The following CALML4 variants were observed in gnomAD, a reference collection of about 807,000 sequenced individuals.
The protein encoded by CALML4 is calmodulin-like protein 4.
A neutral mutation model predicts 17.9 loss-of-function variants in CALML4; 16 were observed. That is an observed-to-expected ratio of 0.89 (90% CI 0.61 to 1.36). CALML4 has a LOEUF of 1.36. Ranked by LOEUF, CALML4 falls within the 40% of genes most tolerant of loss-of-function variation. The probability of loss-of-function intolerance (pLI) is 0.00; values close to 1 mark genes in which losing one functional copy is unlikely to be tolerated. For missense variants in CALML4, 203 were observed against 194.8 expected (o/e 1.04, Z -0.25); for synonymous variants, 86 against 71.5 (o/e 1.20, Z -1.02).
chr15:68,192,406 G>T lies in CALML4; in HGVS notation c.*1609C>A, dbSNP rs1034819428. Reference sequence around the variant, plus strand: ...TGTATTCTTAAGGCAGCCAAATCTCGTAAACCTCAGACCCCACAAAACATC... The same window carrying T: ...TGTATTCTTAAGGCAGCCAAATCTCTTAAACCTCAGACCCCACAAAACATC... On this transcript the variant is annotated 3_prime_UTR_variant, in exon 5 of 5. Coordinates refer to ENST00000467889, the MANE Select transcript of CALML4 (RefSeq NM_033429.3). 6.6e-6 allele frequency: 1 copy of T among 152,166 alleles called. No homozygotes were observed. The highest frequency in any genetic ancestry group is 6.6e-5 in the Admixed American group (1 of 15,262). The allele number at this position is 152,166 out of a possible 1,614,324, so 9.4% of individuals were successfully genotyped here. A position where few individuals can be genotyped will look rare whatever the true frequency, so the allele number is the denominator to read the frequency against.
Position 68,197,686 on chromosome 15 carries a change from A to C in CALML4, c.176-58T>G. ...GAGGGAAAAAGACTCCTAGGAAGCCAGCTGGCCTCCTGCTGGACCTGCACA... is the reference window on the plus strand; with the variant it reads ...GAGGGAAAAAGACTCCTAGGAAGCCCGCTGGCCTCCTGCTGGACCTGCACA... On this transcript the variant is annotated intron_variant, in intron 3 of 4. Coordinates refer to ENST00000467889, the MANE Select transcript of CALML4 (RefSeq NM_033429.3). This position sits in a 1 kb window ranked among gnomAD's most constrained non-coding sequence, Gnocchi z 4.1. The C allele has an allele frequency of 1.3e-6, 2 of 1,541,922 alleles. No homozygotes were observed. The highest frequency in any genetic ancestry group is 2.3e-5 in the East Asian group (1 of 44,338).
rs2093151485 is a variant in CALML4 at position 68,197,904 on chromosome 15, T to C, written c.176-276A>G. On this transcript the variant is annotated intron_variant, in intron 3 of 4. Coordinates refer to ENST00000467889, the MANE Select transcript of CALML4 (RefSeq NM_033429.3). The surrounding 1 kb of genome is among the most constrained non-coding windows in gnomAD (Gnocchi z 4.1). ...AAGAAAGTGGGTTCCCAACCACAGATGGAGGACTGGGCTCCTCTGCTCCCT... is the reference window on the plus strand; with the variant it reads ...AAGAAAGTGGGTTCCCAACCACAGACGGAGGACTGGGCTCCTCTGCTCCCT... 2.5e-6 allele frequency: 1 copy of C among 407,466 alleles called. No individual in the cohort carries two copies. Among genetic ancestry groups the C allele is most frequent in the Admixed American group, 3.8e-5 (1 of 26,436 alleles). 25.2% of individuals were successfully genotyped at this position (407,466 alleles called of 1,614,324 possible).
intron 4 of CALML4, among the ~76,000 whole-genome samples, chr15:68,196,780 T>TA (rs2141124265): frequency 6.6e-6 from 1 of 152,300 alleles, no homozygotes; most frequent in South Asian, 2.1e-4. Context: ...GACAGCCTGC[T>TA]AGGCTGCAGG....
rs572449154 is a variant in CALML4, at chr15:68,192,615, A to T, written c.*1400T>A. 6.6e-6 allele frequency: 1 copy of T among 152,318 alleles called. No homozygotes were observed. The highest frequency in any genetic ancestry group is 2.1e-4 in the South Asian group (1 of 4,832). The allele number at this position is 152,318 out of a possible 1,614,324, so 9.4% of individuals were successfully genotyped here. On this transcript the variant is annotated 3_prime_UTR_variant, in exon 5 of 5. Coordinates refer to ENST00000467889, the MANE Select transcript of CALML4 (RefSeq NM_033429.3). ...TTCCTCAGGGCCTTGTTTGGGTCTG[A>T]AGCCACACAGCATCGTTGAGACAGT...
intron 3 of CALML4, among the ~76,000 whole-genome samples, chr15:68,198,762 GT>G (rs869115281): frequency 7.0e-6 from 1 of 143,386 alleles, no homozygotes; most frequent in East Asian, 2.0e-4. Flanking sequence ...CTATTGCATA[GT>G]TTTTAGGTCA....
rs1567091012 is a variant in CALML4, at chr15:68,200,217, G to A, written c.35-536C>T. Among the ~76,000 whole-genome samples, 2 of 152,206 alleles carry A rather than the reference G, an allele frequency of 1.3e-5. No individual in the cohort carries two copies. Among genetic ancestry groups the A allele is most frequent in the African/African-American group, 2.4e-5 (1 of 41,442 alleles). ...ATTACTGTGAGAGCCAGAAATCCCA[G>A]GAGGCCTGCCAGAGAGTGGCCTTCA... is the stretch of plus-strand genomic sequence containing the variant. On this transcript the variant is annotated intron_variant, in intron 2 of 4. Coordinates refer to ENST00000467889, the MANE Select transcript of CALML4 (RefSeq NM_033429.3). The surrounding 1 kb of genome is among the most constrained non-coding windows in gnomAD (Gnocchi z 4.3).
Position 68,200,951 on chromosome 15 carries a change from C to T in CALML4, c.35-1270G>A, listed in dbSNP as rs1194926816. Among the ~76,000 whole-genome samples the T allele has an allele frequency of 6.6e-6, 1 of 152,084 alleles. No individual in the cohort carries two copies. The highest frequency in any genetic ancestry group is 6.5e-5 in the Admixed American group (1 of 15,274). On this transcript the variant is annotated intron_variant, in intron 2 of 4. Coordinates refer to ENST00000467889, the MANE Select transcript of CALML4 (RefSeq NM_033429.3). This position sits in a 1 kb window ranked among gnomAD's most constrained non-coding sequence, Gnocchi z 4.3. ...CTGTGGGCAGCTCTGCCCACCAGGCCACACTGCCTTCGGTTCCAGGGCAGA... is the reference window on the plus strand; with the variant it reads ...CTGTGGGCAGCTCTGCCCACCAGGCTACACTGCCTTCGGTTCCAGGGCAGA...
At chr15:68,205,552 C>T (rs183613158), upstream of CALML4, 89 of 755,256 alleles carry the variant, frequency 1.2e-4, 1 homozygote, top group East Asian at 1.5e-3. The surrounding 1 kb of genome is among the most constrained non-coding windows in gnomAD (Gnocchi z 4.8). Context: ...TGTTTCTTCC[C>T]GGGAGCCCTG....
chr15:68,205,449 AG>A, upstream of CALML4: 1 of 1,589,494 alleles, frequency 6.3e-7, no homozygotes, highest in African/African-American at 1.3e-5. This position sits in a 1 kb window ranked among gnomAD's most constrained non-coding sequence, Gnocchi z 4.8. Context: ...CCACCTGGGC[AG>A]GTTGGATTTT....
chr15:68,205,469 T>C (rs1270389469), upstream of CALML4: 3 of 1,507,910 alleles, frequency 2.0e-6, no homozygotes, highest in Non-Finnish European at 2.7e-6. The surrounding 1 kb of genome is among the most constrained non-coding windows in gnomAD (Gnocchi z 4.8). Flanking sequence ...TTTGAGGAAA[T>C]GGGGCTGCAG....
intron 2 of CALML4, among the ~76,000 whole-genome samples, chr15:68,202,024 T>C (rs575741697): frequency 1.3e-5 from 2 of 152,246 alleles, no homozygotes; most frequent in African/African-American, 2.4e-5. Context: ...CACTGTTGTA[T>C]GTAGCTCCAG....
chr15:68,203,210 A>C (rs139296429), intron 2 of CALML4, among the ~76,000 whole-genome samples: 2 of 152,316 alleles, frequency 1.3e-5, no homozygotes, highest in Admixed American at 6.5e-5. Flanking sequence ...TCGGCCTCCC[A>C]AAGTGCTGGG....
chr15:68,199,731 C>A, intron 2 of CALML4, 50 bp from the exon 3 acceptor site: 1 of 1,571,884 alleles, frequency 6.4e-7, no homozygotes, highest in South Asian at 1.1e-5. Flanking sequence ...ACTCTCCGCC[C>A]ATGCCGCCCT....
chr15:68,201,294 G>C (rs2093164787), intron 2 of CALML4, among the ~76,000 whole-genome samples: 1 of 152,224 alleles, frequency 6.6e-6, no homozygotes, highest in Admixed American at 6.5e-5. Flanking sequence ...GGGAAGCAGG[G>C]CCAGAGCCTG....
chr15:68,201,447 G>T (rs1198209715), intron 2 of CALML4, among the ~76,000 whole-genome samples: 1 of 152,314 alleles, frequency 6.6e-6, no homozygotes, highest in Non-Finnish European at 1.5e-5. Flanking sequence ...AGCACTACAG[G>T]GGGTACCCCT....
At chr15:68,203,477 CTTTTT>C (rs923818902) in intron 2 of CALML4, among the ~76,000 whole-genome samples, 1 of 152,222 alleles carries the variant, frequency 6.6e-6, no homozygotes, top group Non-Finnish European at 1.5e-5. Context: ...ATAGGGCTGT[CTTTTT>C]AACTTTTTGT....
In CALML4 at chr15:68,200,660, A is replaced by C. The variant is rs755367327; in HGVS notation, c.35-979T>G. On this transcript the variant is annotated intron_variant, in intron 2 of 4. Coordinates refer to ENST00000467889, the MANE Select transcript of CALML4 (RefSeq NM_033429.3). The surrounding 1 kb of genome is among the most constrained non-coding windows in gnomAD (Gnocchi z 4.3). ...ACGAGGCACCCGGGCCTGTGGGTGG[A>C]GCCGTGGAAACACAGTGGCCTGGCG... Among the ~76,000 whole-genome samples the C allele has an allele frequency of 3.9e-5, 6 of 152,078 alleles. No individual in the cohort carries two copies. Among genetic ancestry groups the C allele is most frequent in the Non-Finnish European group, 7.4e-5 (5 of 67,988 alleles).
rs894339270 is a variant in CALML4 at position 68,198,065 on chromosome 15, T to G, written c.176-437A>C. The G allele has an allele frequency of 1.5e-4, 24 of 156,352 alleles. No homozygotes were observed. In the South Asian group the frequency reaches 3.0e-3, roughly 19 times the overall value. 9.7% of individuals were successfully genotyped at this position (156,352 alleles called of 1,614,324 possible). A position where few individuals can be genotyped will look rare whatever the true frequency, so the allele number is the denominator to read the frequency against. Reference sequence around the variant, plus strand: ...GGGGTCTCAAGCCTCAGTCGCAGGCTGGGCTGCTCACCTGCCTTCCCCTCA... The same window carrying G: ...GGGGTCTCAAGCCTCAGTCGCAGGCGGGGCTGCTCACCTGCCTTCCCCTCA... On this transcript the variant is annotated intron_variant, in intron 3 of 4. Coordinates refer to ENST00000467889, the MANE Select transcript of CALML4 (RefSeq NM_033429.3).
rs994419320 is a variant in CALML4, at chr15:68,200,251, T to TA, written c.35-571dup. Among the ~76,000 whole-genome samples the TA allele has an allele frequency of 1.3e-5, 2 of 152,204 alleles. No individual in the cohort carries two copies. Among genetic ancestry groups the TA allele is most frequent in the Non-Finnish European group, 2.9e-5 (2 of 68,026 alleles). On this transcript the variant is annotated intron_variant, in intron 2 of 4. Coordinates refer to ENST00000467889, the MANE Select transcript of CALML4 (RefSeq NM_033429.3). This position sits in a 1 kb window ranked among gnomAD's most constrained non-coding sequence, Gnocchi z 4.3. ...CCAGAGAGTGGCCTTCATATGATGATATTATCATCATCATCAGAGCTGGGG... is the reference window on the plus strand; with the variant it reads ...CCAGAGAGTGGCCTTCATATGATGATAATTATCATCATCATCAGAGCTGGGG...
Sources: allele counts gnomAD v4.1 joint callset (sites outside exome capture counted in the v4.1 genomes callset), GRCh38; gene constraint gnomAD v4.1.1; non-coding constraint Gnocchi (gnomAD v3.1); transcripts MANE v1.5; gene names NCBI Gene and HGNC (gene_info 2026-07-23, HGNC 2026-07-21).